The following MED13 variants were observed in gnomAD, a reference collection of about 807,000 sequenced individuals.
MED13 encodes the protein mediator of RNA polymerase II transcription subunit 13.
A neutral mutation model predicts 225.2 loss-of-function variants in MED13; 23 were observed. That is an observed-to-expected ratio of 0.10 (90% CI 0.07 to 0.14). The LOEUF (loss-of-function observed/expected upper bound fraction) is 0.14. Ranked by LOEUF, MED13 falls within the 10% of genes least tolerant of loss-of-function variation. The pLI is 1.00. For synonymous variants in MED13, 942 were observed against 889.2 expected (o/e 1.06, Z -1.06); for missense variants, 2,197 against 2,594.5 (o/e 0.85, Z 3.33).
chr17:62,029,292 T>C, intron 8 of MED13: 1 of 504,046 alleles, frequency 2.0e-6, no homozygotes, highest in South Asian at 3.2e-5. Context: ...TAAAATTGTC[T>C]TTTATTTAGC....
chr17:62,007,347 A>G (rs929587130), intron 9 of MED13: 8 of 152,222 alleles, frequency 5.3e-5, no homozygotes, highest in African/African-American at 1.7e-4. Context: ...ACAGAACATC[A>G]AACAACGGAA....
rs767646511 is a variant in MED13, at chr17:61,966,682, G to C, written c.4192-31C>G. 1.3e-5 allele frequency: 18 copies of C among 1,438,498 alleles called. No homozygotes were observed. In the South Asian group the frequency reaches 2.4e-4, roughly 19 times the overall value. 89.1% of individuals were successfully genotyped at this position (1,438,498 alleles called of 1,614,324 possible). ...AATATACATACAGAAAGCAGAATTA[G>C]TAAATTTATTATTGTATTTAGATAC... is the stretch of plus-strand genomic sequence containing the variant. On this transcript the variant is annotated intron_variant, in intron 18 of 29. Coordinates refer to ENST00000397786, the MANE Select transcript of MED13 (RefSeq NM_005121.3).
At chr17:61,978,980 C>T (rs1215099169) in intron 16 of MED13, among the ~76,000 whole-genome samples, 4 of 152,090 alleles carry the variant, frequency 2.6e-5, no homozygotes, top group Admixed American at 6.6e-5. Flanking sequence ...TTACCAAAAA[C>T]GATCTTATTA....
rs992546984 is a variant in MED13 at position 62,020,003 on chromosome 17, C to T, written c.1284-8770G>A. Among the ~76,000 whole-genome samples, 5 of 152,230 alleles carry T rather than the reference C, an allele frequency of 3.3e-5. No homozygotes were observed. In the South Asian group the frequency reaches 1.0e-3, roughly 32 times the overall value. On this transcript the variant is annotated intron_variant, in intron 8 of 29. Transcript: ENST00000397786. ...CTGTGATCCGCCCGCCTCGGCCTCC[C>T]AAAGTGCTGGGATTACAGGTGTGAA...
intron 8 of MED13, among the ~76,000 whole-genome samples, chr17:62,022,261 G>T (rs1195088994): frequency 6.6e-6 from 1 of 151,218 alleles, no homozygotes; most frequent in African/African-American, 2.4e-5. Flanking sequence ...CAGGAGCTTT[G>T]TTAGCTAGTG....
Position 62,063,321 on chromosome 17 carries a change from A to T in MED13, c.67-20T>A. 2.0e-6 allele frequency: 3 copies of T among 1,536,380 alleles called. No individual in the cohort carries two copies. Among genetic ancestry groups the T allele is most frequent in the Non-Finnish European group, 2.7e-6 (3 of 1,113,292 alleles). ...GTCAGCCTGAAGGAAAGAAAGCATTAAGTTTTATTACTGCATATTCACTCA... is the reference window on the plus strand; with the variant it reads ...GTCAGCCTGAAGGAAAGAAAGCATTTAGTTTTATTACTGCATATTCACTCA... On this transcript the variant is annotated intron_variant, in intron 1 of 29. Coordinates refer to ENST00000397786, the MANE Select transcript of MED13 (RefSeq NM_005121.3).
rs138174242 is a variant in MED13 at position 62,056,959 on chromosome 17, T to G, written c.302-4254A>C. ...GATTACCATATTTTTTTCCTGAAGA[T>G]GCAGATTACAGTAGTGCCAAAGTAT... On this transcript the variant is annotated intron_variant, in intron 2 of 29. Transcript: ENST00000397786. Among the ~76,000 whole-genome samples, 82 of 152,214 alleles carry G rather than the reference T, an allele frequency of 5.4e-4. No homozygotes were observed. The East Asian group carries it at 0.014, about 25-fold the overall frequency.
intron 21 of MED13, 97 bp downstream of exon 21, chr17:61,962,655 A>G: frequency 1.0e-6 from 1 of 999,850 alleles, no homozygotes; most frequent in Non-Finnish European, 1.5e-6. Context: ...CTTGGCTTTT[A>G]GATAATCAAT....
chr17:61,957,539 G>A (rs1444838866), intron 23 of MED13, among the ~76,000 whole-genome samples: 2 of 151,844 alleles, frequency 1.3e-5, no homozygotes, highest in South Asian at 2.1e-4. Flanking sequence ...TAGTAGAGAT[G>A]GGGTTTCACT....
intron 9 of MED13, among the ~76,000 whole-genome samples, chr17:61,998,924 ACTTTTT>A (rs1487716264): frequency 6.2e-5 from 5 of 81,272 alleles, no homozygotes; most frequent in East Asian, 7.8e-4. Flanking sequence ...TTTAAATGGT[ACTTTTT>A]TTTTTTTTTT....
At chr17:62,030,198 G>A in intron 6 of MED13, 185 bp from the exon 7 acceptor site, 1 of 537,000 alleles carries the variant, frequency 1.9e-6, no homozygotes, top group Non-Finnish European at 3.1e-6. Flanking sequence ...TGGCAATCAA[G>A]TACATCTCTG....
At position 62,012,455 on chromosome 17, in the gene MED13, T is replaced by G. The variant is rs1219531198; in HGVS notation, c.1284-1222A>C. ...AGCGATTCTCCTGCCTCAGCCTCCC[T>G]AGCAGATGGGACTACAGGCATGTGG... is the stretch of plus-strand genomic sequence containing the variant. On this transcript the variant is annotated intron_variant, in intron 8 of 29. Transcript: ENST00000397786. 7.4e-5 allele frequency among the ~76,000 whole-genome samples: 11 copies of G among 148,060 alleles called. No individual in the cohort carries two copies. In the East Asian group the frequency reaches 2.4e-3, roughly 33 times the overall value.
At chr17:62,021,526 C>A (rs1211245168) in intron 8 of MED13, among the ~76,000 whole-genome samples, 1 of 152,204 alleles carries the variant, frequency 6.6e-6, no homozygotes, top group Non-Finnish European at 1.5e-5. Flanking sequence ...CCGGACGGGG[C>A]GAGCAGCCTG....
At chr17:62,043,651 A>T (rs1207500055) in intron 3 of MED13, among the ~76,000 whole-genome samples, 1 of 152,214 alleles carries the variant, frequency 6.6e-6, no homozygotes, top group South Asian at 2.1e-4. Context: ...ACAATAGCCA[A>T]TACACACATA....
rs1311754218 is a variant in MED13, at chr17:61,965,475, A to C, written c.4382-7T>G. ...AGGGAAGCAAGATAAGGACCTAAAGAATAAAAACAGGTACGAAATTTAATT... is the reference window on the plus strand; with the variant it reads ...AGGGAAGCAAGATAAGGACCTAAAGCATAAAAACAGGTACGAAATTTAATT... On this transcript the variant is annotated splice_polypyrimidine_tract_variant and splice_region_variant and intron_variant, in intron 19 of 29. Transcript: ENST00000397786. The C allele has an allele frequency of 6.3e-7, 1 of 1,597,122 alleles. No homozygotes were observed.
intron 28 of MED13, among the ~76,000 whole-genome samples, chr17:61,948,841 C>T (rs1216942290): frequency 1.3e-5 from 2 of 151,014 alleles, no homozygotes; most frequent in African/African-American, 2.4e-5. Context: ...AATCCCAGCA[C>T]TTTGGGAGGC....
intron 8 of MED13, among the ~76,000 whole-genome samples, chr17:62,013,024 C>T (rs1342003416): frequency 2.0e-5 from 3 of 152,032 alleles, no homozygotes; most frequent in African/African-American, 7.2e-5. Context: ...ATCTCTTGAC[C>T]TCGTGATCCG....
intron 28 of MED13, among the ~76,000 whole-genome samples, chr17:61,949,686 T>C (rs1025280299): frequency 3.9e-5 from 6 of 152,070 alleles, no homozygotes; most frequent in African/African-American, 1.2e-4. Context: ...TTATAAATCT[T>C]TTTTTTGTTT....
At chr17:62,061,999 C>T (rs560930407) in intron 2 of MED13, among the ~76,000 whole-genome samples, 1 of 152,160 alleles carries the variant, frequency 6.6e-6, no homozygotes, top group African/African-American at 2.4e-5. Flanking sequence ...ACGTACATTC[C>T]TACATAAATG....
Sources: allele counts gnomAD v4.1 joint callset (sites outside exome capture counted in the v4.1 genomes callset), GRCh38; gene constraint gnomAD v4.1.1; transcripts MANE v1.5; gene names NCBI Gene and HGNC (gene_info 2026-07-23, HGNC 2026-07-21).